Variants in USHBP1 observed in about 807,000 individuals in gnomAD.
USHBP1 encodes the protein harmonin-binding protein USHBP1.
USHBP1 carries 67 observed loss-of-function variants against 76.2 expected under a neutral mutation model. That is an observed-to-expected ratio of 0.88 (90% CI 0.72 to 1.08). The LOEUF (loss-of-function observed/expected upper bound fraction) is 1.08. USHBP1 is among the 50% of genes least tolerant of loss of function. The probability of loss-of-function intolerance (pLI) is 0.00; values close to 1 mark genes in which losing one functional copy is unlikely to be tolerated. For synonymous variants in USHBP1, 322 were observed against 362.2 expected, an observed-to-expected ratio of 0.89 and a Z score of 1.26; for missense variants, 931 against 915.0, an observed-to-expected ratio of 1.02 and a Z score of -0.23.
chr19:17,255,465 G>C lies in USHBP1; in HGVS notation c.1612C>G (p.Leu538Val), dbSNP rs2145583226. 6.2e-7 allele frequency: 1 copy of C among 1,614,052 alleles called. No homozygotes were observed. The highest frequency in any genetic ancestry group is 2.2e-5 in the East Asian group (1 of 44,868). The change falls in exon 10 of 13, where the codon CTC becomes GTC. Residue 538 changes from leucine (L) to valine (V), a missense_variant. Leu to Val is a conservative substitution (Grantham distance 32, BLOSUM62 1). Coordinates refer to ENST00000252597, the MANE Select transcript of USHBP1 (RefSeq NM_031941.4). ...LEQLRWERAE[L>V]QAGGANSSGG... Reference sequence around the variant, plus strand: ...CTGCTGTTTGCCCCACCAGCCTGGAGCTCTGCCCGTTCCCACCGCAGCTGC... The same window carrying C: ...CTGCTGTTTGCCCCACCAGCCTGGACCTCTGCCCGTTCCCACCGCAGCTGC...
chr19:17,258,519 A>C, intron 7 of USHBP1, 134 bp from the exon 8 acceptor site: 4 of 939,224 alleles, frequency 4.3e-6, no homozygotes, highest in Non-Finnish European at 6.2e-6. Flanking sequence ...GACCAGCCTG[A>C]CCAACATGGT....
intron 10 of USHBP1, among the ~76,000 whole-genome samples, chr19:17,253,298 CTTT>C (rs766563444): frequency 2.6e-5 from 3 of 114,282 alleles, no homozygotes; most frequent in Admixed American, 9.3e-5. Context: ...ATTTTTTTTT[CTTT>C]TTTTTTTTTT....
intron 1 of USHBP1, 39 bp from the exon 2 acceptor site, chr19:17,264,386 T>A (rs1456203454): frequency 6.9e-7 from 1 of 1,447,690 alleles, no homozygotes; most frequent in East Asian, 2.5e-5. Context: ...GCCTTTGTTG[T>A]CCTGGACAAA....
chr19:17,255,209 T>C (rs151105577), intron 10 of USHBP1, among the ~76,000 whole-genome samples, 176 bp downstream of exon 10: 2,240 of 151,982 alleles, frequency 0.015, 34 homozygotes, highest in South Asian at 0.041. Context: ...GGAGAATCTC[T>C]TGAACCTGGG....
rs76149068 is a variant in USHBP1, at chr19:17,251,673, G to A, written c.1831C>T (p.Leu611=). The A allele has an allele frequency of 2.4e-3, 3,833 of 1,613,782 alleles. 135 individuals carry two copies. In the East Asian group the frequency reaches 0.072, roughly 30 times the overall value. Residue 611 remains leucine (L), a synonymous_variant, in exon 12 of 13, where the codon CTG becomes TTG. Transcript: ENST00000252597. ...TLDLQEQLQS[L]RRELEQVAQK... The stretch of plus-strand genomic sequence containing the variant: ...GCCACCTGTTCCAGCTCCCTGCGCA[G>A]AGACTGCAGCTGCTCCTGCAGGTCC...
chr19:17,259,332 G>T lies in USHBP1; in HGVS notation c.1003C>A (p.Arg335=). The change falls in exon 7 of 13, where the codon CGG becomes AGG. Residue 335 remains arginine (R), a synonymous_variant. Coordinates refer to ENST00000252597, the MANE Select transcript of USHBP1 (RefSeq NM_031941.4). ...CEGLSMQLGQ[R]EAEATALHLA... ...TGCAATGCTGTGGCCTCAGCCTCCCGCTGGCCTAGCTGCATGCTGAGGCCT... is the reference window on the plus strand; with the variant it reads ...TGCAATGCTGTGGCCTCAGCCTCCCTCTGGCCTAGCTGCATGCTGAGGCCT... 1.9e-6 allele frequency: 3 copies of T among 1,614,006 alleles called. No individual in the cohort carries two copies. Among genetic ancestry groups the T allele is most frequent in the East Asian group, 4.5e-5 (2 of 44,884 alleles).
intron 12 of USHBP1, among the ~76,000 whole-genome samples, chr19:17,250,942 C>T (rs926228742): frequency 6.6e-6 from 1 of 152,048 alleles, no homozygotes; most frequent in Admixed American, 6.6e-5. Context: ...CTCACTGCAA[C>T]CTCTGCCTCC....
rs191632282 is a variant in USHBP1, at chr19:17,259,889, G to A, written c.768+8C>T. 1.0e-4 allele frequency: 164 copies of A among 1,612,144 alleles called. No homozygotes were observed. The East Asian group carries it at 2.1e-3, about 21-fold the overall frequency. On this transcript the variant is annotated splice_region_variant and intron_variant, in intron 5 of 12. Transcript: ENST00000252597. ...TCAAGACCATGGGATTGAACTTCTCGCACTCACCTGAGTCTCCCAGGGTTC... is the reference window on the plus strand; with the variant it reads ...TCAAGACCATGGGATTGAACTTCTCACACTCACCTGAGTCTCCCAGGGTTC...
At chr19:17,260,600 G>T (rs984820475) in intron 4 of USHBP1, among the ~76,000 whole-genome samples, 2 of 152,128 alleles carry the variant, frequency 1.3e-5, no homozygotes. Flanking sequence ...AAAGTGCTGG[G>T]ATTACAGGCA....
At position 17,258,122 on chromosome 19, in the gene USHBP1, C is replaced by CACTCA; in HGVS notation, c.1220+89_1220+90insTGAGT. The CACTCA allele has an allele frequency of 3.2e-6, 5 of 1,574,400 alleles. No homozygotes were observed. The Middle Eastern group carries it at 9.0e-4, about 283-fold the overall frequency. On this transcript the variant is annotated intron_variant, in intron 8 of 12. Coordinates refer to ENST00000252597, the MANE Select transcript of USHBP1 (RefSeq NM_031941.4). The stretch of plus-strand genomic sequence containing the variant: ...CCTTGCTGGACACAGCCACACCAAG[C>CACTCA]CCCGAAACGTGGTGAGCTCTGGGAG...
intron 10 of USHBP1, among the ~76,000 whole-genome samples, 161 bp downstream of exon 10, chr19:17,255,224 G>A (rs78727160): frequency 2.0e-5 from 3 of 151,934 alleles, no homozygotes; most frequent in Admixed American, 6.6e-5. Context: ...CCTGGGAGGC[G>A]GAGGTTGTGG....
At chr19:17,260,989 C>T (rs935791600) in intron 4 of USHBP1, among the ~76,000 whole-genome samples, 3 of 152,188 alleles carry the variant, frequency 2.0e-5, no homozygotes, top group Admixed American at 2.0e-4. Context: ...CATGTCTGGA[C>T]CAATGAAGTC....
rs180785907 is a variant in USHBP1, at chr19:17,263,060, C to T, written c.204-70G>A. ...AGGAATTCTTTTTTATTTTTTGAGA[C>T]GGAGTCTCACTCTGTTGCCCAGCCT... On this transcript the variant is annotated intron_variant, in intron 3 of 12. Transcript: ENST00000252597. 141 of 1,466,408 alleles carry T rather than the reference C, an allele frequency of 9.6e-5. No individual in the cohort carries two copies. In the East Asian group the frequency reaches 2.9e-3, roughly 30 times the overall value. 90.8% of individuals were successfully genotyped at this position (1,466,408 alleles called of 1,614,324 possible).
Position 17,250,157 on chromosome 19 carries a change from G to A in USHBP1, c.*68C>T, listed in dbSNP as rs1170000109. ...GCCAAATCATGCAACATGACATGAT[G>A]TCACTCCAGGACAGTTTATGACATG... On this transcript the variant is annotated 3_prime_UTR_variant, in exon 13 of 13. Coordinates refer to ENST00000252597, the MANE Select transcript of USHBP1 (RefSeq NM_031941.4). 9 of 1,499,846 alleles carry A rather than the reference G, an allele frequency of 6.0e-6. No homozygotes were observed. The highest frequency in any genetic ancestry group is 8.1e-6 in the Non-Finnish European group (9 of 1,116,888). 92.9% of individuals were successfully genotyped at this position (1,499,846 alleles called of 1,614,324 possible). A position where few individuals can be genotyped will look rare whatever the true frequency, so the allele number is the denominator to read the frequency against.
chr19:17,252,143 G>A (rs1057034144), intron 10 of USHBP1, 126 bp from the exon 11 acceptor site: 48 of 824,026 alleles, frequency 5.8e-5, no homozygotes, highest in South Asian at 4.4e-4. Context: ...CATCTGGTTC[G>A]ATATACCAAT....
intron 4 of USHBP1, 120 bp from the exon 5 acceptor site, chr19:17,260,142 T>C: frequency 7.6e-7 from 1 of 1,313,602 alleles, no homozygotes; most frequent in Non-Finnish European, 1.0e-6. Context: ...GAGGCTTGGA[T>C]ACTTAGCCTG....
chr19:17,262,621 C>T lies in USHBP1; in HGVS notation c.573G>A (p.Glu191=). The change falls in exon 4 of 13, where the codon GAG becomes GAA. Residue 191 remains glutamate (E), a synonymous_variant. Transcript: ENST00000252597. The part of the protein sequence containing the change: ...AWLRLALSSR[E]DELVRTQASL... ...AGGCCTGCGTGCGGACCAGCTCATC[C>T]TCTCGGCTACTCAGGGCCAGCCGGA... is the stretch of plus-strand genomic sequence containing the variant. 1 of 1,613,898 alleles carries T rather than the reference C, an allele frequency of 6.2e-7. No homozygotes were observed. Among genetic ancestry groups the T allele is most frequent in the Non-Finnish European group, 8.5e-7 (1 of 1,180,020 alleles).
Position 17,259,683 on chromosome 19 carries a change from G to A in USHBP1, c.818C>T (p.Ser273Phe). ...HPLLRRLRSH[S>F]STQILGSLPN... Reference sequence around the variant, plus strand: ...AAGAGACCCAAGGATCTGGGTGCTGGAATGGCTGCGGAGGCGCCGAAGCAG... The same window carrying A: ...AAGAGACCCAAGGATCTGGGTGCTGAAATGGCTGCGGAGGCGCCGAAGCAG... Residue 273 changes from serine to phenylalanine, a missense_variant, in exon 6 of 13, where the codon TCC (serine) becomes TTC (phenylalanine). Physicochemically the swap from Ser to Phe is radical, Grantham distance 155 (BLOSUM62 -2). Transcript: ENST00000252597. 1 of 1,614,058 alleles carries A rather than the reference G, an allele frequency of 6.2e-7. No homozygotes were observed. The highest frequency in any genetic ancestry group is 8.5e-7 in the Non-Finnish European group (1 of 1,179,988).
rs1323431840 is a variant in USHBP1 at position 17,249,985 on chromosome 19, TG to T, written c.*239del. On this transcript the variant is annotated 3_prime_UTR_variant, in exon 13 of 13. Coordinates refer to ENST00000252597, the MANE Select transcript of USHBP1 (RefSeq NM_031941.4). ...CTGGTCCCATAGCCCAGGTTGCTTC[TG>T]GCCTGACCCCACTGATATGAAGTTC... 8 of 540,284 alleles carry T rather than the reference TG, an allele frequency of 1.5e-5. No individual in the cohort carries two copies. Among genetic ancestry groups the T allele is most frequent in the Non-Finnish European group, 2.6e-5 (8 of 306,800 alleles). 33.5% of individuals were successfully genotyped at this position (540,284 alleles called of 1,614,324 possible).
Sources: gnomAD v4.1 joint callset for allele counts (sites outside exome capture counted in the v4.1 genomes callset) on GRCh38, gnomAD v4.1.1 for gene constraint, MANE v1.5 for transcripts, NCBI Gene and HGNC (gene_info 2026-07-23, HGNC 2026-07-21) for gene names.